WBP11: variants seen among roughly 807,000 people sequenced by gnomAD.
WBP11 encodes WW domain-binding protein 11.
In WBP11, 12 loss-of-function variants were observed where a neutral mutation model predicts 66.7. That is an observed-to-expected ratio of 0.18 (90% confidence interval 0.12 to 0.29). The LOEUF (loss-of-function observed/expected upper bound fraction) is 0.29. Ranked by LOEUF, WBP11 falls within the 10% of genes least tolerant of loss-of-function variation. The pLI is 1.00. For synonymous variants in WBP11, 255 were observed against 273.8 expected (o/e 0.93, Z 0.68); for missense variants, 555 against 818.3 (o/e 0.68, Z 3.93).
At chr12:14,789,348 G>A (rs971627153) in intron 10 of WBP11, among the ~76,000 whole-genome samples, 1 of 152,136 alleles carries the variant, frequency 6.6e-6, no homozygotes, top group African/African-American at 2.4e-5. Context: ...ACTTTGGGAG[G>A]CTGAAGTGGG....
Position 14,791,225 on chromosome 12 carries a change from T to G in WBP11, c.959A>C (p.Lys320Thr), listed in dbSNP as rs978315950. ...FADMPGKSRK[K>T]KKNMKELTPL... ...AGTCAGTTCCTTCATGTTCTTCTTTTTCTTCCTTGATTTTCCAGGCATATC... is the reference window on the plus strand; with the variant it reads ...AGTCAGTTCCTTCATGTTCTTCTTTGTCTTCCTTGATTTTCCAGGCATATC... Residue 320 changes from lysine (K) to threonine (T), a missense_variant, in exon 9 of 12, where the codon AAA becomes ACA. This residue lies in a region of WBP11 where 220 missense variants were observed against 268.2 expected (regional missense o/e 0.82). Coordinates refer to ENST00000261167, the MANE Select transcript of WBP11 (RefSeq NM_016312.3). 1 of 1,614,168 alleles carries G rather than the reference T, an allele frequency of 6.2e-7. No homozygotes were observed. Among genetic ancestry groups the G allele is most frequent in the East Asian group, 2.2e-5 (1 of 44,870 alleles).
chr12:14,791,026 T>A, intron 9 of WBP11, 143 bp downstream of exon 9: 1 of 850,698 alleles, frequency 1.2e-6, no homozygotes, highest in Non-Finnish European at 1.8e-6. Flanking sequence ...GCAGCCTATA[T>A]AATGGTTCCA....
At chr12:14,795,828 T>C (rs11614445) in intron 5 of WBP11, among the ~76,000 whole-genome samples, 21,877 of 152,268 alleles carry the variant, frequency 0.14, 2,049 homozygotes, top group Non-Finnish European at 0.2. Context: ...CTTGCCTATG[T>C]TGAATTTCTG....
At chr12:14,794,379 T>A (rs926509602) in intron 7 of WBP11, among the ~76,000 whole-genome samples, 158 bp downstream of exon 7, 1 of 152,210 alleles carries the variant, frequency 6.6e-6, no homozygotes, top group Non-Finnish European at 1.5e-5. Context: ...TGCTTTTACT[T>A]GAGAAGATCC....
Position 14,796,520 on chromosome 12 carries a change from T to C in WBP11, c.387+287A>G, listed in dbSNP as rs903011083. ...ACTTTTTGACTCCCATATGATGCCA[T>C]GGTGGAAAAATCCACACCTGACCTA... On this transcript the variant is annotated intron_variant, in intron 5 of 11. Coordinates refer to ENST00000261167, the MANE Select transcript of WBP11 (RefSeq NM_016312.3). The surrounding 1 kb of genome is among the most constrained non-coding windows in gnomAD (Gnocchi z 4.5). Among the ~76,000 whole-genome samples the C allele has an allele frequency of 1.7e-4, 26 of 152,174 alleles. No individual in the cohort carries two copies. The highest frequency in any genetic ancestry group is 3.1e-4 in the Non-Finnish European group (21 of 68,008).
At chr12:14,788,755 A>G (rs1426934373) in intron 11 of WBP11, among the ~76,000 whole-genome samples, 196 bp downstream of exon 11, 2 of 152,256 alleles carry the variant, frequency 1.3e-5, no homozygotes, top group African/African-American at 4.8e-5. Context: ...TTCTCTGGCT[A>G]CAAGTTCCTC....
Position 14,787,171 on chromosome 12 carries a change from G to A in WBP11, c.1820C>T (p.Pro607Leu), listed in dbSNP as rs1364738706. ...QRKSEDDSAV[P>L]LAKAAPKSGP... ...AGATTTGGGTGCTGCTTTGGCAAGAGGCACAGCAGAATCATCCTCTGACTT... is the reference window on the plus strand; with the variant it reads ...AGATTTGGGTGCTGCTTTGGCAAGAAGCACAGCAGAATCATCCTCTGACTT... Residue 607 changes from proline (P) to leucine (L), a missense_variant, in exon 12 of 12, where the codon CCT becomes CTT. Pro to Leu is a moderately conservative substitution (Grantham distance 98). Coordinates refer to ENST00000261167, the MANE Select transcript of WBP11 (RefSeq NM_016312.3). 14 of 1,613,722 alleles carry A rather than the reference G, an allele frequency of 8.7e-6. No homozygotes were observed. Among genetic ancestry groups the A allele is most frequent in the Non-Finnish European group, 1.2e-5 (14 of 1,180,038 alleles).
intron 6 of WBP11, 87 bp from the exon 7 acceptor site, chr12:14,794,823 T>G: frequency 1.3e-6 from 2 of 1,538,696 alleles, no homozygotes; most frequent in Non-Finnish European, 1.7e-6. Context: ...CTAAACAATT[T>G]TCAAGGGATT....
intron 10 of WBP11, 63 bp downstream of exon 10, chr12:14,790,393 A>G (rs1422737075): frequency 1.2e-5 from 19 of 1,551,564 alleles, no homozygotes; most frequent in Non-Finnish European, 6.1e-6. Flanking sequence ...AACACATAGT[A>G]TTTTTTGGAA....
rs538994230 is a variant in WBP11, at chr12:14,798,700, A to G, written c.190+935T>C. Among the ~76,000 whole-genome samples, 36 of 152,088 alleles carry G rather than the reference A, an allele frequency of 2.4e-4. No individual in the cohort carries two copies. The South Asian group carries it at 7.5e-3, about 32-fold the overall frequency. Reference sequence around the variant, plus strand: ...TGACTGAATTTTTTTTTTGTACCCCATTTAATGTATCATTGAGGAGTTTCA... The same window carrying G: ...TGACTGAATTTTTTTTTTGTACCCCGTTTAATGTATCATTGAGGAGTTTCA... On this transcript the variant is annotated intron_variant, in intron 4 of 11. Coordinates refer to ENST00000261167, the MANE Select transcript of WBP11 (RefSeq NM_016312.3).
intron 1 of WBP11, among the ~76,000 whole-genome samples, chr12:14,803,133 G>A (rs1040109504): frequency 6.6e-6 from 1 of 152,160 alleles, no homozygotes; most frequent in Non-Finnish European, 1.5e-5. Context: ...ATCAACGTGC[G>A]TAAGAAGCGG....
At position 14,796,369 on chromosome 12, in the gene WBP11, T is replaced by C. The variant is rs1382105590; in HGVS notation, c.387+438A>G. On this transcript the variant is annotated intron_variant, in intron 5 of 11. Coordinates refer to ENST00000261167, the MANE Select transcript of WBP11 (RefSeq NM_016312.3). The surrounding 1 kb of genome is among the most constrained non-coding windows in gnomAD (Gnocchi z 4.5). Reference sequence around the variant, plus strand: ...TTTGCAGGTTCACACAGTAGGTATATGTTTAGTTTTAGAAGAAACTGCTAT... The same window carrying C: ...TTTGCAGGTTCACACAGTAGGTATACGTTTAGTTTTAGAAGAAACTGCTAT... 1.3e-5 allele frequency among the ~76,000 whole-genome samples: 2 copies of C among 152,218 alleles called. No individual in the cohort carries two copies. Among genetic ancestry groups the C allele is most frequent in the East Asian group, 3.8e-4 (2 of 5,198 alleles).
chr12:14,792,848 A>G (rs1949837253), intron 8 of WBP11, among the ~76,000 whole-genome samples: 1 of 151,734 alleles, frequency 6.6e-6, no homozygotes, highest in South Asian at 2.1e-4. Context: ...AAAAAAAGGA[A>G]AAAAAGAAAA....
chr12:14,797,099 A>C, intron 4 of WBP11, 96 bp from the exon 5 acceptor site: 1 of 959,582 alleles, frequency 1.0e-6, no homozygotes. Flanking sequence ...TATGCTAAAA[A>C]ATTTTTAAGA....
intron 1 of WBP11, among the ~76,000 whole-genome samples, 140 bp downstream of exon 1, chr12:14,803,195 CCCCAGGCCCAGGAATAG>C (rs1280362213): frequency 6.6e-6 from 1 of 152,192 alleles, no homozygotes; most frequent in Non-Finnish European, 1.5e-5. Context: ...CGCCGCGCCA[CCCCAGGCCCAGGAATAG>C]CCCAGTCCGC....
intron 2 of WBP11, 127 bp downstream of exon 2, chr12:14,801,193 C>T (rs1294967611): frequency 1.0e-5 from 9 of 898,982 alleles, no homozygotes; most frequent in African/African-American, 1.7e-5. Flanking sequence ...CATACAAACC[C>T]TGAATATATA....
intron 11 of WBP11, among the ~76,000 whole-genome samples, 182 bp downstream of exon 11, chr12:14,788,769 T>C (rs1354062383): frequency 6.6e-6 from 1 of 152,198 alleles, no homozygotes; most frequent in Non-Finnish European, 1.5e-5. Context: ...GTTCCTCAAG[T>C]GAACCAAGTG....
At chr12:14,802,982 G>T (rs184140722) in intron 1 of WBP11, among the ~76,000 whole-genome samples, 2 of 152,230 alleles carry the variant, frequency 1.3e-5, no homozygotes, top group East Asian at 3.9e-4. Flanking sequence ...ATAAGCGTTG[G>T]ATAACTCTAA....
intron 4 of WBP11, chr12:14,799,387 T>C (rs549165587): frequency 2.3e-5 from 7 of 305,846 alleles, no homozygotes; most frequent in African/African-American, 1.1e-4. Context: ...CAAACTGTGC[T>C]TCTGTTATCT....
Sources: gnomAD v4.1 joint callset for allele counts (sites outside exome capture counted in the v4.1 genomes callset) on GRCh38, gnomAD v4.1.1 for gene constraint, gnomAD v4.1.1 regional missense constraint, Gnocchi (gnomAD v3.1) non-coding constraint, MANE v1.5 for transcripts, NCBI Gene and HGNC (gene_info 2026-07-23, HGNC 2026-07-21) for gene names.